Variants in ELOVL6 observed in about 807,000 individuals in gnomAD.
ELOVL6 encodes ELOVL fatty acid elongase 6.
In ELOVL6, 8 loss-of-function variants were observed where a neutral mutation model predicts 31.7. The observed-to-expected ratio is 0.25, with a 90% CI of 0.15 to 0.45. The LOEUF is 0.45. Among genes scored for constraint, ELOVL6 ranks in the 20% least tolerant of loss-of-function variants. The pLI is 1.00. For missense variants in ELOVL6, 126 were observed against 326.4 expected (o/e 0.39, Z 4.73); for synonymous variants, 101 against 117.7 (o/e 0.86, Z 0.92).
At chr4:110,112,251 G>A (rs945252832) in intron 1 of ELOVL6, among the ~76,000 whole-genome samples, 7 of 152,174 alleles carry the variant, frequency 4.6e-5, no homozygotes, top group African/African-American at 7.2e-5. Flanking sequence ...CTGATCTCTC[G>A]ATCAATGCAC....
At chr4:110,055,108 C>A (rs538155666) in intron 3 of ELOVL6, among the ~76,000 whole-genome samples, 39 of 152,202 alleles carry the variant, frequency 2.6e-4, no homozygotes, top group African/African-American at 9.4e-4. Flanking sequence ...GAAGAGCTAA[C>A]CAAGTCCTCT....
chr4:110,153,494 A>G (rs756501464), intron 1 of ELOVL6, among the ~76,000 whole-genome samples: 5 of 152,170 alleles, frequency 3.3e-5, no homozygotes, highest in Non-Finnish European at 7.4e-5. Context: ...ACAGTTACAG[A>G]TGATGAGAAA....
intron 2 of ELOVL6, among the ~76,000 whole-genome samples, chr4:110,065,984 C>A (rs1466327121): frequency 6.6e-6 from 1 of 152,118 alleles, no homozygotes; most frequent in Non-Finnish European, 1.5e-5. Flanking sequence ...AACCACCAAC[C>A]AATCTCCACC....
At chr4:110,155,164 T>C (rs1169547132) in intron 1 of ELOVL6, among the ~76,000 whole-genome samples, 1 of 152,138 alleles carries the variant, frequency 6.6e-6, no homozygotes, top group Non-Finnish European at 1.5e-5. Flanking sequence ...TCTATGAACA[T>C]TTAATTTTGA....
chr4:110,097,365 T>G (rs1756614695), intron 2 of ELOVL6, among the ~76,000 whole-genome samples: 1 of 150,976 alleles, frequency 6.6e-6, no homozygotes, highest in African/African-American at 2.4e-5. Flanking sequence ...GACTAGACAT[T>G]GTTATCTCCA....
intron 1 of ELOVL6, among the ~76,000 whole-genome samples, chr4:110,127,146 C>T (rs551584621): frequency 2.0e-5 from 3 of 152,142 alleles, no homozygotes; most frequent in Non-Finnish European, 2.9e-5. Flanking sequence ...CAGTGGCTCA[C>T]GCCTGTAATC....
intron 1 of ELOVL6, among the ~76,000 whole-genome samples, chr4:110,182,863 G>A (rs148191278): frequency 3.3e-5 from 5 of 152,042 alleles, no homozygotes; most frequent in East Asian, 1.9e-4. Flanking sequence ...AGCCAAGATT[G>A]CGCCATTGCA....
chr4:110,136,009 T>G (rs538009205), intron 1 of ELOVL6, among the ~76,000 whole-genome samples: 1 of 152,340 alleles, frequency 6.6e-6, no homozygotes, highest in Admixed American at 6.5e-5. Flanking sequence ...AGGATGTTAA[T>G]AATTAAGTCT....
chr4:110,150,700 T>C (rs762814965), intron 1 of ELOVL6, among the ~76,000 whole-genome samples: 27 of 152,224 alleles, frequency 1.8e-4, no homozygotes, highest in Admixed American at 5.2e-4. Flanking sequence ...ATTTCCAAGC[T>C]TTAATTTTAT....
At chr4:110,089,612 T>C (rs1299899609) in intron 2 of ELOVL6, among the ~76,000 whole-genome samples, 1 of 152,212 alleles carries the variant, frequency 6.6e-6, no homozygotes, top group Non-Finnish European at 1.5e-5. Context: ...TCCTAAGAGA[T>C]AGCATGCTAT....
Position 110,192,507 on chromosome 4 carries a change from A to G in ELOVL6, c.89+5740T>C, listed in dbSNP as rs138804925. ...CAGGCAATCCTCTGAAGATCACAAA[A>G]TTTTACTTCCAATGTGAAAAAGACT... is the stretch of plus-strand genomic sequence containing the variant. On this transcript the variant is annotated intron_variant, in intron 1 of 3. Transcript: ENST00000302274. Among the ~76,000 whole-genome samples, 15 of 152,322 alleles carry G rather than the reference A, an allele frequency of 9.8e-5. No homozygotes were observed. In the East Asian group the frequency reaches 2.9e-3, roughly 29 times the overall value.
intron 2 of ELOVL6, among the ~76,000 whole-genome samples, chr4:110,081,096 T>C (rs1346790711): frequency 6.6e-6 from 1 of 152,058 alleles, no homozygotes; most frequent in Non-Finnish European, 1.5e-5. Flanking sequence ...TAAAAGAGGA[T>C]ACAGACAAAT....
At chr4:110,124,700 C>G (rs940722589) in intron 1 of ELOVL6, among the ~76,000 whole-genome samples, 1 of 151,052 alleles carries the variant, frequency 6.6e-6, no homozygotes, top group Non-Finnish European at 1.5e-5. Context: ...GCACATGTAT[C>G]CTGGAACTTA....
At chr4:110,173,396 C>G (rs1394532693) in intron 1 of ELOVL6, among the ~76,000 whole-genome samples, 2 of 151,926 alleles carry the variant, frequency 1.3e-5, no homozygotes, top group African/African-American at 4.8e-5. Context: ...CTAGAACATC[C>G]AGGTCTCATA....
chr4:110,124,827 T>C (rs1160042535), intron 1 of ELOVL6, among the ~76,000 whole-genome samples: 1 of 152,160 alleles, frequency 6.6e-6, no homozygotes, highest in African/African-American at 2.4e-5. Context: ...TACTCTCAAC[T>C]AGACAGATTT....
intron 1 of ELOVL6, among the ~76,000 whole-genome samples, chr4:110,195,968 T>A (rs531582831): frequency 6.6e-6 from 1 of 152,136 alleles, no homozygotes; most frequent in Non-Finnish European, 1.5e-5. Context: ...GAGGAAACAG[T>A]GGTCAGAACC....
chr4:110,056,812 G>C (rs1487226271), intron 3 of ELOVL6, among the ~76,000 whole-genome samples: 1 of 152,142 alleles, frequency 6.6e-6, no homozygotes, highest in Non-Finnish European at 1.5e-5. Flanking sequence ...TAGGAGACTG[G>C]ATTATGGCTC....
rs548395286 is a variant in ELOVL6 at position 110,196,000 on chromosome 4, C to G, written c.89+2247G>C. Among the ~76,000 whole-genome samples, 5 of 152,282 alleles carry G rather than the reference C, an allele frequency of 3.3e-5. No individual in the cohort carries two copies. The South Asian group carries it at 1.0e-3, about 32-fold the overall frequency. Reference sequence around the variant, plus strand: ...AACCTAACAGGAGTAGATACGTTGGCACATTTTTGTCATTTTCAGTCCCAC... The same window carrying G: ...AACCTAACAGGAGTAGATACGTTGGGACATTTTTGTCATTTTCAGTCCCAC... On this transcript the variant is annotated intron_variant, in intron 1 of 3. Transcript: ENST00000302274.
intron 1 of ELOVL6, among the ~76,000 whole-genome samples, chr4:110,169,248 T>G (rs543839543): frequency 9.3e-4 from 140 of 150,288 alleles, no homozygotes; most frequent in African/African-American, 3.2e-3. Context: ...GTTTTGTTTT[T>G]TTTTTTTTGA....
Sources: gnomAD v4.1 joint callset for allele counts (sites outside exome capture counted in the v4.1 genomes callset) on GRCh38, gnomAD v4.1.1 for gene constraint, MANE v1.5 for transcripts, NCBI Gene and HGNC (gene_info 2026-07-23, HGNC 2026-07-21) for gene names.